The following FAM91A1 variants were observed in gnomAD, a reference collection of about 807,000 sequenced individuals.
FAM91A1 encodes the protein protein FAM91A1.
In FAM91A1, 41 loss-of-function variants were observed where a neutral mutation model predicts 113.5. The ratio of observed to expected loss-of-function variants is 0.36; its 90% CI spans 0.28 to 0.47. The LOEUF (loss-of-function observed/expected upper bound fraction) is 0.47, where lower values mean the gene tolerates loss of function less well. Among genes scored for constraint, FAM91A1 ranks in the 20% least tolerant of loss-of-function variants. The probability of loss-of-function intolerance (pLI) is 1.00; values close to 1 mark genes in which losing one functional copy is unlikely to be tolerated. For missense variants in FAM91A1, 696 were observed against 1,001.2 expected, an observed-to-expected ratio of 0.70 and a Z score of 4.11; for synonymous variants, 307 against 347.9, an observed-to-expected ratio of 0.88 and a Z score of 1.31.
At position 123,787,307 on chromosome 8, in the gene FAM91A1, G is replaced by A. The variant is rs367984098; in HGVS notation, c.1125G>A (p.Thr375=). ...VSSLSLSTGH[T]KRIAFLFDST... ...GCCTGAGTCTGTCTACAGGACACAC[G>A]AAGCGCATCGCATTCCTGTTTGACT... The change falls in exon 13 of 24, where the codon ACG becomes ACA. Residue 375 remains threonine (T), a synonymous_variant. Transcript: ENST00000334705. 35 of 1,611,578 alleles carry A rather than the reference G, an allele frequency of 2.2e-5. No individual in the cohort carries two copies. The highest frequency in any genetic ancestry group is 5.0e-5 in the Admixed American group (3 of 59,970).
chr8:123,805,939 T>C (rs1267219935), intron 19 of FAM91A1, 141 bp from the exon 20 acceptor site: 1 of 752,152 alleles, frequency 1.3e-6, no homozygotes, highest in Non-Finnish European at 1.9e-6. Context: ...ATGACAACTT[T>C]ATATATTTCT....
rs1219404721 is a variant in FAM91A1, at chr8:123,815,120, C to A, written c.*2416C>A. The A allele has an allele frequency of 1.3e-5, 2 of 152,332 alleles. No individual in the cohort carries two copies. Among genetic ancestry groups the A allele is most frequent in the African/African-American group, 2.4e-5 (1 of 41,368 alleles). 9.4% of individuals were successfully genotyped at this position (152,332 alleles called of 1,614,324 possible). ...GATTTGAAGAAATGCAACTTTATAT[C>A]AAAAAATGTCATCTGATTTCCTTTG... On this transcript the variant is annotated 3_prime_UTR_variant, in exon 24 of 24. Coordinates refer to ENST00000334705, the MANE Select transcript of FAM91A1 (RefSeq NM_144963.4).
rs1356091938 is a variant in FAM91A1 at position 123,778,068 on chromosome 8, T to C, written c.411T>C (p.Leu137=). 6.2e-7 allele frequency: 1 copy of C among 1,612,604 alleles called. No homozygotes were observed. Among genetic ancestry groups the C allele is most frequent in the African/African-American group, 1.3e-5 (1 of 74,884 alleles). Reference sequence around the variant, plus strand: ...TAGGAAGAAACCAGTATATTGATCTTATGAATCAGTGTAGATCATCAAAAG... The same window carrying C: ...TAGGAAGAAACCAGTATATTGATCTCATGAATCAGTGTAGATCATCAAAAG... ...LGIGRNQYID[L]MNQCRSSKKF... The change falls in exon 5 of 24, where the codon CTT becomes CTC. Residue 137 remains leucine (L), a synonymous_variant. Coordinates refer to ENST00000334705, the MANE Select transcript of FAM91A1 (RefSeq NM_144963.4).
At chr8:123,790,120 G>A (rs1815348482) in intron 15 of FAM91A1, among the ~76,000 whole-genome samples, 1 of 152,258 alleles carries the variant, frequency 6.6e-6, no homozygotes, top group Non-Finnish European at 1.5e-5. Flanking sequence ...CCATCATAAT[G>A]AAAAGAATAA....
At chr8:123,805,364 AC>A (rs1815777862) in intron 19 of FAM91A1, 25 bp downstream of exon 19, 1 of 1,491,520 alleles carries the variant, frequency 6.7e-7, no homozygotes, top group Non-Finnish European at 9.0e-7. Context: ...GTATCTATTG[AC>A]TTTTTTTTTT....
rs1035283505 is a variant in FAM91A1, at chr8:123,774,968, A to C, written c.158-179A>C. On this transcript the variant is annotated intron_variant, in intron 2 of 23. Transcript: ENST00000334705. ...CTGTCCTATTATTCATTTTACTTCTATACTCTAAAATCTATTTCATGTGAT... is the reference window on the plus strand; with the variant it reads ...CTGTCCTATTATTCATTTTACTTCTCTACTCTAAAATCTATTTCATGTGAT... Among the ~76,000 whole-genome samples, 3 of 152,148 alleles carry C rather than the reference A, an allele frequency of 2.0e-5. No individual in the cohort carries two copies. In the South Asian group the frequency reaches 6.2e-4, roughly 32 times the overall value.
intron 15 of FAM91A1, among the ~76,000 whole-genome samples, chr8:123,795,035 A>T (rs1421246051): frequency 6.6e-6 from 1 of 152,220 alleles, no homozygotes; most frequent in Non-Finnish European, 1.5e-5. Context: ...TGGGTGCAGG[A>T]TTACTATAAG....
At chr8:123,796,207 T>A (rs1413075785) in intron 15 of FAM91A1, among the ~76,000 whole-genome samples, 2 of 152,142 alleles carry the variant, frequency 1.3e-5, no homozygotes, top group Admixed American at 1.3e-4. Flanking sequence ...CACACAGTAG[T>A]CTATAGAAAG....
In FAM91A1 at chr8:123,812,719, T is replaced by G; in HGVS notation, c.*15T>G. On this transcript the variant is annotated 3_prime_UTR_variant, in exon 24 of 24. Coordinates refer to ENST00000334705, the MANE Select transcript of FAM91A1 (RefSeq NM_144963.4). ...ATTTGCAATAATTTGGTTACACCAT[T>G]TGTTGCTCACACTTTCTGCCTTTTT... 6.5e-7 allele frequency: 1 copy of G among 1,537,608 alleles called. No individual in the cohort carries two copies. The highest frequency in any genetic ancestry group is 1.3e-5 in the South Asian group (1 of 77,946).
chr8:123,807,089 T>C (rs1407272018), intron 20 of FAM91A1, among the ~76,000 whole-genome samples: 1 of 152,088 alleles, frequency 6.6e-6, no homozygotes, highest in Non-Finnish European at 1.5e-5. Context: ...CCTCTTAGTT[T>C]GAAATTCTGA....
At chr8:123,799,451 A>G in intron 16 of FAM91A1, 69 bp from the exon 17 acceptor site, 1 of 1,457,312 alleles carries the variant, frequency 6.9e-7, no homozygotes, top group Non-Finnish European at 9.3e-7. Context: ...TTTGCTGTTT[A>G]TAAGACTGTT....
At position 123,768,585 on chromosome 8, in the gene FAM91A1, T is replaced by C; in HGVS notation, c.-118T>C. The C allele has an allele frequency of 1.1e-6, 1 of 877,582 alleles. No homozygotes were observed. The highest frequency in any genetic ancestry group is 1.7e-6 in the Non-Finnish European group (1 of 588,720). 54.4% of individuals were successfully genotyped at this position (877,582 alleles called of 1,614,324 possible). A position where few individuals can be genotyped will look rare whatever the true frequency, so the allele number is the denominator to read the frequency against. ...AGGCCATGGGGCAGCCTGGGCCTTC[T>C]GCAGTGTGAGGCGCGGGGCCTCCCG... On this transcript the variant is annotated 5_prime_UTR_variant, in exon 1 of 24. Coordinates refer to ENST00000334705, the MANE Select transcript of FAM91A1 (RefSeq NM_144963.4).
intron 15 of FAM91A1, among the ~76,000 whole-genome samples, chr8:123,793,355 C>A (rs1171092085): frequency 1.3e-5 from 2 of 152,128 alleles, no homozygotes; most frequent in Non-Finnish European, 2.9e-5. Context: ...TTGCCTGAAC[C>A]ATTCTGTACT....
At chr8:123,805,148 TTTTGATGA>T in intron 18 of FAM91A1, 111 bp from the exon 19 acceptor site, 2 of 717,928 alleles carry the variant, frequency 2.8e-6, no homozygotes, top group Non-Finnish European at 4.5e-6. Context: ...GTTGAAAGAA[TTTTGATGA>T]GGTATTAATA....
chr8:123,782,983 A>G (rs1286859819), intron 8 of FAM91A1, among the ~76,000 whole-genome samples: 2 of 152,104 alleles, frequency 1.3e-5, no homozygotes, highest in Admixed American at 6.6e-5. Flanking sequence ...CAGCCTGGGC[A>G]ATATAAAGGG....
intron 18 of FAM91A1, among the ~76,000 whole-genome samples, chr8:123,800,602 C>T (rs1171127854): frequency 3.9e-5 from 6 of 152,144 alleles, no homozygotes; most frequent in Admixed American, 2.0e-4. Context: ...TCACCACACT[C>T]AATTTTAGAA....
At chr8:123,784,401 T>C (rs781417919) in intron 8 of FAM91A1, 69 bp from the exon 9 acceptor site, 16 of 1,142,646 alleles carry the variant, frequency 1.4e-5, no homozygotes, top group Admixed American at 2.5e-5. Context: ...TTTAATTAGA[T>C]ATGTAAATTA....
intron 4 of FAM91A1, among the ~76,000 whole-genome samples, chr8:123,777,555 A>C (rs1425022786): frequency 1.3e-5 from 2 of 152,178 alleles, no homozygotes. Flanking sequence ...AAATAAGACT[A>C]ATCTATATAT....
At chr8:123,789,880 G>T in intron 15 of FAM91A1, 135 bp downstream of exon 15, 1 of 1,026,472 alleles carries the variant, frequency 9.7e-7, no homozygotes, top group Non-Finnish European at 1.4e-6. Flanking sequence ...TATAACTAGA[G>T]GCCTGTTTTG....
Sources: allele counts gnomAD v4.1 joint callset (sites outside exome capture counted in the v4.1 genomes callset), GRCh38; gene constraint gnomAD v4.1.1; transcripts MANE v1.5; gene names NCBI Gene and HGNC (gene_info 2026-07-23, HGNC 2026-07-21).